Variants in FYN observed in about 807,000 individuals in gnomAD.
FYN encodes FYN proto-oncogene, Src family tyrosine kinase, also known as tyrosine-protein kinase Fyn.
Under a neutral mutation model 70.2 loss-of-function variants are expected in FYN, and 10 were observed. That is an observed-to-expected ratio of 0.14 (90% CI 0.09 to 0.24). The LOEUF (loss-of-function observed/expected upper bound fraction) is 0.24. Among genes scored for constraint, FYN ranks in the 10% least tolerant of loss-of-function variants. The pLI, the probability that FYN is intolerant of heterozygous loss-of-function variation, is 1.00. For synonymous variants in FYN, 236 were observed against 248.6 expected (o/e 0.95, Z 0.48); for missense variants, 319 against 673.1 (o/e 0.47, Z 5.82).
intron 13 of FYN, among the ~76,000 whole-genome samples, chr6:111,666,756 C>T (rs1450375354): frequency 6.6e-6 from 1 of 152,044 alleles, no homozygotes; most frequent in East Asian, 1.9e-4. Context: ...TTGCTTGAGC[C>T]CAGGAGGTTG....
intron 12 of FYN, among the ~76,000 whole-genome samples, chr6:111,691,077 T>C (rs1219609882): frequency 6.6e-6 from 1 of 152,214 alleles, no homozygotes; most frequent in East Asian, 1.9e-4. Context: ...GAATAGAGAA[T>C]AAGCAATCGC....
chr6:111,869,157 G>A (rs566673330), intron 1 of FYN, among the ~76,000 whole-genome samples: 1 of 152,362 alleles, frequency 6.6e-6, no homozygotes, highest in African/African-American at 2.4e-5. Context: ...GGACTACCCA[G>A]AACACTAGAA....
At position 111,665,713 on chromosome 6, in the gene FYN, C is replaced by T. The variant is rs573120227; in HGVS notation, c.1406-3766G>A. Among the ~76,000 whole-genome samples, 9 of 151,592 alleles carry T rather than the reference C, an allele frequency of 5.9e-5. No individual in the cohort carries two copies. The South Asian group carries it at 1.7e-3, about 28-fold the overall frequency. On this transcript the variant is annotated intron_variant, in intron 13 of 13. Coordinates refer to ENST00000354650, the MANE Select transcript of FYN (RefSeq NM_002037.5). ...CTCGGCTCACTGCAGCCTCCACCTC[C>T]CAGGTTCAAGCAATTCTCCTGTCTC...
At chr6:111,683,789 A>G (rs897443989) in intron 12 of FYN, among the ~76,000 whole-genome samples, 5 of 152,152 alleles carry the variant, frequency 3.3e-5, no homozygotes, top group African/African-American at 1.2e-4. Context: ...GGGGGAGGTG[A>G]CAAGGCGGTA....
intron 4 of FYN, among the ~76,000 whole-genome samples, chr6:111,718,257 G>A (rs1334153324): frequency 6.6e-6 from 1 of 152,192 alleles, no homozygotes; most frequent in Non-Finnish European, 1.5e-5. Context: ...CACAGACGTT[G>A]TTCTTGGCCT....
At chr6:111,852,941 C>T (rs1402762194) in intron 1 of FYN, among the ~76,000 whole-genome samples, 2 of 152,150 alleles carry the variant, frequency 1.3e-5, no homozygotes, top group Non-Finnish European at 2.9e-5. Flanking sequence ...GCACGTTCCA[C>T]AAAGAGAAGC....
At position 111,706,235 on chromosome 6, in the gene FYN, C is replaced by T. The variant is rs190187920; in HGVS notation, c.443+1687G>A. On this transcript the variant is annotated intron_variant, in intron 6 of 13. Coordinates refer to ENST00000354650, the MANE Select transcript of FYN (RefSeq NM_002037.5). ...CTAGGTGCTGAATGAGCAGCAGGTG[C>T]CCCCAAAACCCAAGGGAGAATGCTG... 3.9e-4 allele frequency among the ~76,000 whole-genome samples: 59 copies of T among 152,298 alleles called. 1 individual carries two copies. The highest frequency in any genetic ancestry group is 1.2e-3 in the African/African-American group (51 of 41,560).
chr6:111,809,682 T>C (rs1285584089), intron 2 of FYN, among the ~76,000 whole-genome samples: 2 of 152,246 alleles, frequency 1.3e-5, no homozygotes, highest in African/African-American at 4.8e-5. Context: ...GGTGTGGCCT[T>C]AGGCTCGGAG....
At chr6:111,696,170 G>T in intron 10 of FYN, 107 bp downstream of exon 10, 2 of 983,914 alleles carry the variant, frequency 2.0e-6, no homozygotes, top group Non-Finnish European at 2.9e-6. Flanking sequence ...GGGAATACTT[G>T]ACCCAGGCAG....
rs144796594 is a variant in FYN at position 111,800,001 on chromosome 6, G to A, written c.-81-19366C>T. 3.3e-5 allele frequency among the ~76,000 whole-genome samples: 5 copies of A among 152,298 alleles called. No homozygotes were observed. The East Asian group carries it at 9.6e-4, about 29-fold the overall frequency. On this transcript the variant is annotated intron_variant, in intron 2 of 13. Transcript: ENST00000354650. ...CGGCAGGGTTTATTCCGAAGGACAC[G>A]AGTGTGCCATGATATATTCAGTAGT... is the stretch of plus-strand genomic sequence containing the variant.
At chr6:111,816,928 A>G (rs1772506482) in intron 2 of FYN, among the ~76,000 whole-genome samples, 1 of 152,230 alleles carries the variant, frequency 6.6e-6, no homozygotes, top group Non-Finnish European at 1.5e-5. Context: ...CTGCATCCCC[A>G]GAATTTAGCA....
chr6:111,751,156 T>G (rs185654926), intron 3 of FYN, among the ~76,000 whole-genome samples: 5 of 152,340 alleles, frequency 3.3e-5, no homozygotes, highest in Admixed American at 3.3e-4. Context: ...ATTTTACTAT[T>G]TTGGGGGCAC....
intron 2 of FYN, among the ~76,000 whole-genome samples, chr6:111,818,949 T>C (rs1268242000): frequency 6.6e-6 from 1 of 152,200 alleles, no homozygotes; most frequent in Non-Finnish European, 1.5e-5. Context: ...CCATTCAGAC[T>C]TGGTGGCTCT....
At chr6:111,745,825 A>G (rs1361025032) in intron 3 of FYN, among the ~76,000 whole-genome samples, 1 of 152,226 alleles carries the variant, frequency 6.6e-6, no homozygotes, top group East Asian at 1.9e-4. Flanking sequence ...CTGAATTAAC[A>G]CAGCCCACAA....
At chr6:111,737,110 G>C (rs182260924) in intron 3 of FYN, among the ~76,000 whole-genome samples, 1 of 152,276 alleles carries the variant, frequency 6.6e-6, no homozygotes, top group Non-Finnish European at 1.5e-5. Context: ...GTGGACAGAG[G>C]AATAAACAAA....
At chr6:111,699,665 C>T (rs774920700) in intron 9 of FYN, 3 of 1,612,900 alleles carry the variant, frequency 1.9e-6, no homozygotes, top group East Asian at 4.5e-5. Flanking sequence ...AAACCATCAG[C>T]TTTCTCTACA....
At chr6:111,734,072 G>T (rs960724714) in intron 3 of FYN, among the ~76,000 whole-genome samples, 1 of 152,134 alleles carries the variant, frequency 6.6e-6, no homozygotes. Flanking sequence ...GGGTGACAGA[G>T]TGAGACCCTG....
At chr6:111,786,091 G>A (rs1771367145) in intron 2 of FYN, among the ~76,000 whole-genome samples, 3 of 151,496 alleles carry the variant, frequency 2.0e-5, no homozygotes, top group African/African-American at 7.3e-5. Flanking sequence ...TTAAGTTCTA[G>A]GGTACATGTG....
At chr6:111,757,458 C>T (rs1433850564) in intron 3 of FYN, among the ~76,000 whole-genome samples, 1 of 152,174 alleles carries the variant, frequency 6.6e-6, no homozygotes, top group Non-Finnish European at 1.5e-5. Context: ...GATGGGGTTA[C>T]TTTGAACTGT....
Sources: allele counts gnomAD v4.1 joint callset (sites outside exome capture counted in the v4.1 genomes callset), GRCh38; gene constraint gnomAD v4.1.1; transcripts MANE v1.5; gene names NCBI Gene and HGNC (gene_info 2026-07-23, HGNC 2026-07-21).